AATK: variants seen among roughly 807,000 people sequenced by gnomAD.
AATK encodes the protein lemur tail kinase 1, also known as serine/threonine-protein kinase LMTK1.
Under a neutral mutation model 114.3 loss-of-function variants are expected in AATK, and 91 were observed. The ratio of observed to expected loss-of-function variants is 0.80; its 90% CI spans 0.67 to 0.95. The LOEUF (loss-of-function observed/expected upper bound fraction) is 0.95, where lower values mean the gene tolerates loss of function less well. AATK is among the 40% of genes least tolerant of loss of function. The pLI is 0.00. For synonymous variants in AATK, 1,075 were observed against 916.5 expected (o/e 1.17, Z -3.12); for missense variants, 2,176 against 1,965.2 (o/e 1.11, Z -2.03).
intron 3 of AATK, among the ~76,000 whole-genome samples, chr17:81,130,369 C>T (rs774450645): frequency 1.2e-4 from 18 of 152,282 alleles, no homozygotes; most frequent in Non-Finnish European, 2.2e-4. Flanking sequence ...GGTCCTGAAG[C>T]CTGGCCATTC....
rs749063231 is a variant in AATK at position 81,118,425 on chromosome 17, C to T, written c.4102G>A (p.Gly1368Arg). 64 of 1,608,728 alleles carry T rather than the reference C, an allele frequency of 4.0e-5. No homozygotes were observed. Among genetic ancestry groups the T allele is most frequent in the East Asian group, 2.0e-4 (9 of 44,654 alleles). Reference sequence around the variant, plus strand: ...TCTCAAGCCTCTTTACTCTCACCCCCGGCACCAGCTTCAGGTCCTGGCAAG... The same window carrying T: ...TCTCAAGCCTCTTTACTCTCACCCCTGGCACCAGCTTCAGGTCCTGGCAAG... ...ESKRGPEAGA[G>R]GESKEA Residue 1368 changes from glycine (G) to arginine (R), a missense_variant, in exon 14 of 14, where the codon GGG becomes AGG. By Grantham distance (125) the Gly-to-Arg change is moderately radical. Coordinates refer to ENST00000326724, the MANE Select transcript of AATK (RefSeq NM_001080395.3).
At chr17:81,119,004 C>T (rs551715573) in intron 13 of AATK, among the ~76,000 whole-genome samples, 2 of 152,204 alleles carry the variant, frequency 1.3e-5, no homozygotes, top group African/African-American at 4.8e-5. Context: ...TCCACCTGGG[C>T]ACCGTGGGGC....
intron 9 of AATK, among the ~76,000 whole-genome samples, chr17:81,123,770 C>T (rs954909196): frequency 5.3e-5 from 8 of 151,120 alleles, no homozygotes; most frequent in African/African-American, 2.0e-4. Flanking sequence ...GAGGGGACGC[C>T]TCAGGCCAGC....
chr17:81,128,450 C>T lies in AATK; in HGVS notation c.414+20G>A, dbSNP rs2060881688. The T allele has an allele frequency of 1.9e-6, 3 of 1,548,500 alleles. No homozygotes were observed. The highest frequency in any genetic ancestry group is 1.4e-5 in the African/African-American group (1 of 72,962). ...TCTGCCTCCCAGGCGGGAGTCCTCC[C>T]TCCCAGGCGGGACACGTACCTTCCC... On this transcript the variant is annotated intron_variant, in intron 4 of 13. Coordinates refer to ENST00000326724, the MANE Select transcript of AATK (RefSeq NM_001080395.3).
chr17:81,159,534 G>C (rs1177954042), intron 1 of AATK, among the ~76,000 whole-genome samples: 2 of 152,148 alleles, frequency 1.3e-5, no homozygotes, highest in Non-Finnish European at 2.9e-5. Context: ...GAAATTCCAC[G>C]TGGGCCTCAC....
chr17:81,121,299 C>T lies in AATK; in HGVS notation c.2637G>A (p.Leu879=), dbSNP rs370398594. The T allele has an allele frequency of 1.2e-6, 2 of 1,611,448 alleles. No individual in the cohort carries two copies. The highest frequency in any genetic ancestry group is 1.7e-6 in the Non-Finnish European group (2 of 1,179,670). The part of the protein sequence containing the change: ...GIFTDTSSDG[L]QARRPDVVPA... ...GCACCACATCCGGCCTCCTGGCCTG[C>T]AGGCCGTCGCTGGACGTGTCGGTGA... The change falls in exon 11 of 14, where the codon CTG becomes CTA. Residue 879 remains leucine, a synonymous_variant. Transcript: ENST00000326724.
At position 81,121,171 on chromosome 17, in the gene AATK, G is replaced by T; in HGVS notation, c.2765C>A (p.Pro922Gln). ...ASDGGYEVFS[P>Q]SATGPSGGQP... ...CCCTCCAGAGGGGCCAGTGGCCGAC[G>T]GGCTGAAGACCTCATAGCCACCATC... Residue 922 changes from proline (P) to glutamine (Q), a missense_variant, in exon 11 of 14, where the codon CCG becomes CAG. Physicochemically the swap from Pro to Gln is moderately conservative, Grantham distance 76. This residue lies in a region of AATK where 1,701 missense variants were observed against 1,394.7 expected (regional missense o/e 1.22). Coordinates refer to ENST00000326724, the MANE Select transcript of AATK (RefSeq NM_001080395.3). 1 of 1,602,106 alleles carries T rather than the reference G, an allele frequency of 6.2e-7. No individual in the cohort carries two copies. Among genetic ancestry groups the T allele is most frequent in the Non-Finnish European group, 8.5e-7 (1 of 1,174,996 alleles).
chr17:81,118,269 T>C lies in AATK; in HGVS notation c.*133A>G, dbSNP rs901941220. On this transcript the variant is annotated 3_prime_UTR_variant, in exon 14 of 14. Coordinates refer to ENST00000326724, the MANE Select transcript of AATK (RefSeq NM_001080395.3). ...CCACGGGCTTCTCCAGGACACCGCGTGGGGCAGAGGCACCTGAATCTGCTG... is the reference window on the plus strand; with the variant it reads ...CCACGGGCTTCTCCAGGACACCGCGCGGGGCAGAGGCACCTGAATCTGCTG... The C allele has an allele frequency of 1.6e-5, 14 of 886,984 alleles. No individual in the cohort carries two copies. The highest frequency in any genetic ancestry group is 2.4e-5 in the Non-Finnish European group (14 of 571,478). The allele number at this position is 886,984 out of a possible 1,614,324, so 54.9% of individuals were successfully genotyped here.
At chr17:81,135,181 G>A (rs1450827952) in intron 1 of AATK, among the ~76,000 whole-genome samples, 2 of 152,218 alleles carry the variant, frequency 1.3e-5, no homozygotes, top group African/African-American at 4.8e-5. Context: ...TCATCCCAGA[G>A]GGGAACTGAC....
rs1161053552 is a variant in AATK, at chr17:81,120,757, A to C, written c.3179T>G (p.Leu1060Arg). 6.3e-7 allele frequency: 1 copy of C among 1,577,170 alleles called. No homozygotes were observed. Among genetic ancestry groups the C allele is most frequent in the African/African-American group, 1.3e-5 (1 of 74,440 alleles). ...SGPGEVLPPL[L>R]QLEGSSPEPS... The stretch of plus-strand genomic sequence containing the variant: ...CTCTGGGGAGGACCCTTCAAGCTGC[A>C]GCAGTGGGGGCAGCACCTCCCCGGG... The change falls in exon 11 of 14, where the codon CTG (leucine) becomes CGG (arginine). Residue 1060 changes from leucine to arginine, a missense_variant. Around this residue, in one of 4 missense-constraint regions of AATK, gnomAD observed 1,701 missense variants for 1,394.7 expected, o/e 1.22. Coordinates refer to ENST00000326724, the MANE Select transcript of AATK (RefSeq NM_001080395.3).
intron 1 of AATK, among the ~76,000 whole-genome samples, chr17:81,140,998 G>GTT (rs1357010276): frequency 6.9e-6 from 1 of 144,424 alleles, no homozygotes; most frequent in Non-Finnish European, 1.5e-5. Context: ...CTGTGGGGCC[G>GTT]TAAGCCGTGG....
intron 1 of AATK, among the ~76,000 whole-genome samples, chr17:81,146,060 A>T (rs763469390): frequency 8.6e-5 from 13 of 150,950 alleles, no homozygotes; most frequent in Non-Finnish European, 1.9e-4. Context: ...GTGGTGGCGG[A>T]CACCTGTAAT....
intron 12 of AATK, among the ~76,000 whole-genome samples, 158 bp downstream of exon 12, chr17:81,119,778 A>C (rs578157396): frequency 7.0e-6 from 1 of 142,596 alleles, no homozygotes; most frequent in African/African-American, 2.7e-5. Flanking sequence ...CACGTACCAG[A>C]CCCGCCTCCC....
At chr17:81,165,536 C>T (rs900631364) in intron 1 of AATK, 25 of 877,546 alleles carry the variant, frequency 2.8e-5, no homozygotes, top group Non-Finnish European at 3.7e-5. Flanking sequence ...AAGAAGCCTC[C>T]CACGCCAGGG....
Position 81,134,442 on chromosome 17 carries a change from A to G in AATK, c.115T>C (p.Phe39Leu). The change falls in exon 2 of 14, where the codon TTC becomes CTC. Residue 39 changes from phenylalanine to leucine, a missense_variant. Physicochemically the swap from Phe to Leu is conservative, Grantham distance 22 (BLOSUM62 0). Around this residue, in one of 4 missense-constraint regions of AATK, gnomAD observed 178 missense variants for 175.4 expected, o/e 1.01. Coordinates refer to ENST00000326724, the MANE Select transcript of AATK (RefSeq NM_001080395.3). ...PSSLAVVAVS[F>L]SGLFAVIVLM... ...ACGATGACGGCGAAGAGCCCGGAGA[A>G]AGACACAGCCACCACGGCGAGGGAG... The G allele has an allele frequency of 6.2e-7, 1 of 1,613,282 alleles. No homozygotes were observed. The highest frequency in any genetic ancestry group is 8.5e-7 in the Non-Finnish European group (1 of 1,179,808).
chr17:81,134,327 T>A lies in AATK; in HGVS notation c.189+41A>T, dbSNP rs376617484. The stretch of plus-strand genomic sequence containing the variant: ...TCAAGTGGACGCTACAGGCCTTGCC[T>A]GCGGGATCCCACGACAGCTCCCGCG... On this transcript the variant is annotated intron_variant, in intron 2 of 13. Coordinates refer to ENST00000326724, the MANE Select transcript of AATK (RefSeq NM_001080395.3). The A allele has an allele frequency of 3.1e-6, 5 of 1,610,086 alleles. No individual in the cohort carries two copies. In the Admixed American group the frequency reaches 5.0e-5, roughly 16 times the overall value.
At chr17:81,135,322 C>G (rs1162148259) in intron 1 of AATK, among the ~76,000 whole-genome samples, 1 of 152,170 alleles carries the variant, frequency 6.6e-6, no homozygotes, top group Non-Finnish European at 1.5e-5. Flanking sequence ...TGGGGGCCAG[C>G]CTTGGTGTCC....
rs1462021384 is a variant in AATK at position 81,119,597 on chromosome 17, G to A, written c.3884-17C>T. The A allele has an allele frequency of 1.9e-6, 3 of 1,544,096 alleles. No homozygotes were observed. Among genetic ancestry groups the A allele is most frequent in the Non-Finnish European group, 2.6e-6 (3 of 1,146,570 alleles). On this transcript the variant is annotated splice_polypyrimidine_tract_variant and intron_variant, in intron 12 of 13. Coordinates refer to ENST00000326724, the MANE Select transcript of AATK (RefSeq NM_001080395.3). ...ACCCACCACCTGCAGCCCAGGTCGC[G>A]GCGTCACTCGCGCTCACAGCCTGGG...
rs1820311181 is a variant in AATK at position 81,120,811 on chromosome 17, C to T, written c.3125G>A (p.Gly1042Glu). The change falls in exon 11 of 14, where the codon GGG becomes GAG. Residue 1042 changes from glycine (G) to glutamate (E), a missense_variant. Physicochemically the swap from Gly to Glu is moderately conservative, Grantham distance 98. Around this residue, in one of 4 missense-constraint regions of AATK, gnomAD observed 1,701 missense variants for 1,394.7 expected, o/e 1.22. Coordinates refer to ENST00000326724, the MANE Select transcript of AATK (RefSeq NM_001080395.3). ...QPSEQVCLRP[G>E]VSGEAQGSGP... Reference sequence around the variant, plus strand: ...AGAGCCTTGTGCCTCCCCGGAAACCCCAGGCCTGAGACAGACCTGCTCAGA... The same window carrying T: ...AGAGCCTTGTGCCTCCCCGGAAACCTCAGGCCTGAGACAGACCTGCTCAGA... The T allele has an allele frequency of 6.4e-7, 1 of 1,573,052 alleles. No homozygotes were observed. The highest frequency in any genetic ancestry group is 1.2e-5 in the South Asian group (1 of 85,962).
Sources: allele counts gnomAD v4.1 joint callset (sites outside exome capture counted in the v4.1 genomes callset), GRCh38; gene constraint gnomAD v4.1.1; regional missense constraint gnomAD v4.1.1; transcripts MANE v1.5; gene names NCBI Gene and HGNC (gene_info 2026-07-23, HGNC 2026-07-21).